DGKB: variants seen among roughly 807,000 people sequenced by gnomAD.
DGKB encodes the protein 90 kDa diacylglycerol kinase.
DGKB carries 67 observed loss-of-function variants against 114.3 expected under a neutral mutation model. That is an observed-to-expected ratio of 0.59 (90% CI 0.48 to 0.72). DGKB has a LOEUF of 0.72. Among genes scored for constraint, DGKB ranks in the 30% least tolerant of loss-of-function variants. The pLI is 0.00. For missense variants in DGKB, 907 were observed against 975.2 expected (o/e 0.93, Z 0.93); for synonymous variants, 398 against 323.1 (o/e 1.23, Z -2.49).
At chr7:14,696,828 A>G (rs1052389011) in intron 8 of DGKB, among the ~76,000 whole-genome samples, 6 of 152,222 alleles carry the variant, frequency 3.9e-5, no homozygotes, top group African/African-American at 1.4e-4. Context: ...GCATTTCCCA[A>G]TAGCTGCTTT....
intron 20 of DGKB, among the ~76,000 whole-genome samples, chr7:14,507,191 A>G (rs1050270841): frequency 6.6e-6 from 1 of 152,164 alleles, no homozygotes; most frequent in African/African-American, 2.4e-5. Context: ...TCAAACAACT[A>G]TATATTATTA....
intron 9 of DGKB, among the ~76,000 whole-genome samples, chr7:14,690,715 T>A (rs1358122650): frequency 6.6e-6 from 1 of 152,220 alleles, no homozygotes; most frequent in African/African-American, 2.4e-5. Flanking sequence ...TTACTTAATA[T>A]CTCTCCCTCT....
chr7:14,912,559 T>A (rs1784052129), intron 1 of DGKB, among the ~76,000 whole-genome samples: 1 of 152,074 alleles, frequency 6.6e-6, no homozygotes, highest in Admixed American at 6.6e-5. Flanking sequence ...ATAGCTTACA[T>A]GAGAAGTCAG....
intron 21 of DGKB, among the ~76,000 whole-genome samples, chr7:14,389,729 A>G (rs1221096786): frequency 6.6e-6 from 1 of 152,244 alleles, no homozygotes; most frequent in Non-Finnish European, 1.5e-5. Context: ...TTTCTCCGCC[A>G]TTAAGGCCTA....
intron 23 of DGKB, among the ~76,000 whole-genome samples, chr7:14,231,139 C>G (rs563115578): frequency 8.5e-6 from 1 of 117,022 alleles, no homozygotes; most frequent in Non-Finnish European, 1.9e-5. Flanking sequence ...TTCTTTCTTT[C>G]TTTCTTTTTC....
chr7:14,443,453 T>C (rs965956697), intron 21 of DGKB, among the ~76,000 whole-genome samples: 12 of 152,184 alleles, frequency 7.9e-5, no homozygotes, highest in African/African-American at 2.9e-4. Flanking sequence ...AAATAAGCTC[T>C]CTTGCTTTGT....
chr7:14,720,263 A>G (rs1262515291), intron 5 of DGKB, among the ~76,000 whole-genome samples: 2 of 152,114 alleles, frequency 1.3e-5, no homozygotes, highest in Admixed American at 6.6e-5. Flanking sequence ...CACAGTCTGA[A>G]AAAACACGGC....
At chr7:14,343,618 G>T (rs976929455) in intron 22 of DGKB, among the ~76,000 whole-genome samples, 6 of 151,390 alleles carry the variant, frequency 4.0e-5, no homozygotes, top group Non-Finnish European at 8.9e-5. Context: ...AAAGTAAAGG[G>T]AGGTGCAGGA....
Position 14,638,766 on chromosome 7 carries a change from G to T in DGKB, c.1135-8498C>A, listed in dbSNP as rs10282218. Among the ~76,000 whole-genome samples, 5 of 152,152 alleles carry T rather than the reference G, an allele frequency of 3.3e-5. No homozygotes were observed. In the South Asian group the frequency reaches 6.2e-4, roughly 19 times the overall value. ...ACTTAAAACATGAAGTGAGGGCCGG[G>T]TGCAGTGGCTCATGCCTGTAATCCT... On this transcript the variant is annotated intron_variant, in intron 13 of 25. Coordinates refer to ENST00000402815, the MANE Select transcript of DGKB (RefSeq NM_001350709.2).
intron 20 of DGKB, among the ~76,000 whole-genome samples, chr7:14,547,632 T>C (rs1211898078): frequency 6.6e-6 from 1 of 152,178 alleles, no homozygotes; most frequent in Admixed American, 6.5e-5. Context: ...CTCTCATTTA[T>C]CATTGTCACT....
intron 2 of DGKB, among the ~76,000 whole-genome samples, chr7:14,759,507 AAT>A (rs1413117729): frequency 6.6e-6 from 1 of 152,140 alleles, no homozygotes; most frequent in African/African-American, 2.4e-5. Flanking sequence ...TGAATCATAT[AAT>A]ATGTTTCCTT....
rs190465651 is a variant in DGKB at position 14,535,748 on chromosome 7, C to A, written c.1770+38464G>T. ...GATTACAGGCACCCGCCACCACGCCCAGCTGATTTTAATATTTTTAGTAGA... is the reference window on the plus strand; with the variant it reads ...GATTACAGGCACCCGCCACCACGCCAAGCTGATTTTAATATTTTTAGTAGA... On this transcript the variant is annotated intron_variant, in intron 20 of 25. Coordinates refer to ENST00000402815, the MANE Select transcript of DGKB (RefSeq NM_001350709.2). Among the ~76,000 whole-genome samples the A allele has an allele frequency of 1.2e-3, 189 of 152,078 alleles. 1 individual carries two copies. Among genetic ancestry groups the A allele is most frequent in the African/African-American group, 4.4e-3 (184 of 41,492 alleles).
At chr7:14,688,853 T>G (rs1431424165) in intron 9 of DGKB, among the ~76,000 whole-genome samples, 1 of 54,712 alleles carries the variant, frequency 1.8e-5, no homozygotes, top group Non-Finnish European at 3.5e-5. Flanking sequence ...TTCTAAAGTT[T>G]TAGTTTTTCC....
At chr7:14,497,106 G>A (rs1785415382) in intron 20 of DGKB, among the ~76,000 whole-genome samples, 1 of 151,698 alleles carries the variant, frequency 6.6e-6, no homozygotes, top group African/African-American at 2.4e-5. Context: ...AAATACGCAT[G>A]TTCTTATTTA....
At chr7:14,608,166 C>T (rs1804870264) in intron 16 of DGKB, among the ~76,000 whole-genome samples, 1 of 151,916 alleles carries the variant, frequency 6.6e-6, no homozygotes, top group Non-Finnish European at 1.5e-5. Context: ...ATGCACATAT[C>T]TCACACTGTT....
At chr7:14,345,641 A>G (rs1812357766) in intron 21 of DGKB, among the ~76,000 whole-genome samples, 2 of 151,832 alleles carry the variant, frequency 1.3e-5, no homozygotes, top group Non-Finnish European at 3.0e-5. Context: ...TTGTGGGTTC[A>G]TCACATTTTA....
At chr7:14,794,223 A>G (rs563354851) in intron 2 of DGKB, among the ~76,000 whole-genome samples, 6 of 152,288 alleles carry the variant, frequency 3.9e-5, no homozygotes, top group Non-Finnish European at 8.8e-5. Context: ...AATTTTAAAG[A>G]TAAGTTTTCA....
At chr7:14,759,709 T>C (rs1835408171) in intron 2 of DGKB, among the ~76,000 whole-genome samples, 1 of 152,202 alleles carries the variant, frequency 6.6e-6, no homozygotes, top group South Asian at 2.1e-4. Context: ...GGAATTCTGC[T>C]ATGAACATTC....
chr7:14,731,862 T>C (rs1586063457), intron 5 of DGKB, among the ~76,000 whole-genome samples: 1 of 152,192 alleles, frequency 6.6e-6, no homozygotes, highest in East Asian at 1.9e-4. Flanking sequence ...AGAAGTGGTA[T>C]GAAAAAGCTG....
Sources: allele counts gnomAD v4.1 joint callset (sites outside exome capture counted in the v4.1 genomes callset), GRCh38; gene constraint gnomAD v4.1.1; transcripts MANE v1.5; gene names NCBI Gene and HGNC (gene_info 2026-07-23, HGNC 2026-07-21).